Variants in ATF2 observed in about 807,000 individuals in gnomAD.
The protein encoded by ATF2 is activating transcription factor 2, also known as cyclic AMP-dependent transcription factor ATF-2.
Under a neutral mutation model 60.6 loss-of-function variants are expected in ATF2, and 24 were observed. The observed-to-expected ratio is 0.40, with a 90% CI of 0.29 to 0.56. The LOEUF is 0.56. ATF2 is among the 20% of genes least tolerant of loss of function. The pLI is 0.54. For synonymous variants in ATF2, 206 were observed against 215.4 expected (o/e 0.96, Z 0.38); for missense variants, 433 against 607.7 (o/e 0.71, Z 3.02).
chr2:175,100,843 A>G (rs1449720302), intron 10 of ATF2, among the ~76,000 whole-genome samples: 3 of 152,178 alleles, frequency 2.0e-5, no homozygotes, highest in Non-Finnish European at 2.9e-5. Flanking sequence ...CATTCCAGCC[A>G]ATGGAAACTG....
At chr2:175,099,327 C>T (rs944728791) in intron 10 of ATF2, among the ~76,000 whole-genome samples, 1 of 152,068 alleles carries the variant, frequency 6.6e-6, no homozygotes, top group Non-Finnish European at 1.5e-5. Context: ...TGGTCTTGAA[C>T]TCCTGACCTC....
Position 175,074,486 on chromosome 2 carries a change from A to T in ATF2, c.*123T>A. ...CTACACCAACTTTAGAGCCAAATTTAATTTCAAGTAAAAAAAAAAAATTTA... is the reference window on the plus strand; with the variant it reads ...CTACACCAACTTTAGAGCCAAATTTTATTTCAAGTAAAAAAAAAAAATTTA... On this transcript the variant is annotated 3_prime_UTR_variant, in exon 14 of 14. Coordinates refer to ENST00000264110, the MANE Select transcript of ATF2 (RefSeq NM_001880.4). The T allele has an allele frequency of 1.6e-6, 2 of 1,254,258 alleles. No homozygotes were observed. The highest frequency in any genetic ancestry group is 1.5e-5 in the African/African-American group (1 of 65,686). 77.7% of individuals were successfully genotyped at this position (1,254,258 alleles called of 1,614,324 possible). A position where few individuals can be genotyped will look rare whatever the true frequency, so the allele number is the denominator to read the frequency against.
chr2:175,165,135 T>C (rs1700268941), intron 1 of ATF2, among the ~76,000 whole-genome samples: 1 of 151,690 alleles, frequency 6.6e-6, no homozygotes, highest in Non-Finnish European at 1.5e-5. Flanking sequence ...GGTGGGATTT[T>C]TTTTAGGGTA....
intron 10 of ATF2, among the ~76,000 whole-genome samples, chr2:175,101,677 G>T (rs1176218095): frequency 6.6e-6 from 1 of 152,074 alleles, no homozygotes; most frequent in Non-Finnish European, 1.5e-5. Context: ...CTTTAGTAGG[G>T]CAAGTTACTA....
intron 12 of ATF2, among the ~76,000 whole-genome samples, chr2:175,083,133 T>G (rs1012800745): frequency 6.6e-6 from 1 of 151,616 alleles, no homozygotes; most frequent in East Asian, 1.9e-4. Context: ...CTTCACAGAA[T>G]TGGAAAAAAC....
chr2:175,141,815 G>A (rs1698564922), intron 2 of ATF2, among the ~76,000 whole-genome samples: 1 of 152,056 alleles, frequency 6.6e-6, no homozygotes, highest in Non-Finnish European at 1.5e-5. Flanking sequence ...TTTTTCAAAT[G>A]TGAATCTACA....
chr2:175,116,266 C>A (rs1153676), intron 7 of ATF2, among the ~76,000 whole-genome samples: 32,521 of 151,914 alleles, frequency 0.21, 4,291 homozygotes, highest in African/African-American at 0.38. Flanking sequence ...TTTGGGCTTA[C>A]GTGGTGTCAC....
At chr2:175,125,356 T>C (rs776114447) in intron 4 of ATF2, among the ~76,000 whole-genome samples, 1 of 152,098 alleles carries the variant, frequency 6.6e-6, no homozygotes, top group Non-Finnish European at 1.5e-5. Flanking sequence ...AGCCAGGTTA[T>C]ATTTTGATCA....
intron 10 of ATF2, among the ~76,000 whole-genome samples, chr2:175,100,022 T>C (rs919234889): frequency 1.3e-5 from 2 of 152,244 alleles, no homozygotes; most frequent in Non-Finnish European, 2.9e-5. Context: ...AGACTACTTC[T>C]TTATGAATTA....
Position 175,091,719 on chromosome 2 carries a change from C to T in ATF2, c.1185+1342G>A, listed in dbSNP as rs544350403. ...CTCTACTAAAAATACAAAAATTAGC[C>T]GGGTGTGGTGGTGCACACCTGTAAT... On this transcript the variant is annotated intron_variant, in intron 12 of 13. Coordinates refer to ENST00000264110, the MANE Select transcript of ATF2 (RefSeq NM_001880.4). Among the ~76,000 whole-genome samples, 30 of 152,062 alleles carry T rather than the reference C, an allele frequency of 2.0e-4. No homozygotes were observed. The East Asian group carries it at 5.4e-3, about 27-fold the overall frequency.
intron 11 of ATF2, among the ~76,000 whole-genome samples, chr2:175,094,267 G>A (rs1385729810): frequency 6.6e-6 from 1 of 151,796 alleles, no homozygotes; most frequent in Non-Finnish European, 1.5e-5. Context: ...GGTGGTGCAT[G>A]CCTATAATCC....
At chr2:175,112,074 T>C (rs1696235238) in intron 9 of ATF2, among the ~76,000 whole-genome samples, 1 of 152,246 alleles carries the variant, frequency 6.6e-6, no homozygotes, top group Admixed American at 6.5e-5. Flanking sequence ...AATTTTCTTA[T>C]ACATACCACA....
intron 4 of ATF2, chr2:175,126,673 G>A (rs2105735376): frequency 6.6e-6 from 1 of 152,286 alleles, no homozygotes; most frequent in South Asian, 2.1e-4. Context: ...AAAATGGCAT[G>A]TGTATTAGTA....
At chr2:175,130,644 A>G (rs1454366318) in intron 3 of ATF2, among the ~76,000 whole-genome samples, 1 of 152,180 alleles carries the variant, frequency 6.6e-6, no homozygotes, top group Non-Finnish European at 1.5e-5. Context: ...TTCTACCTAA[A>G]TATGCTACCA....
At position 175,153,222 on chromosome 2, in the gene ATF2, T is replaced by C. The variant is rs760021459; in HGVS notation, c.-142-2064A>G. 4.6e-5 allele frequency among the ~76,000 whole-genome samples: 7 copies of C among 152,326 alleles called. No individual in the cohort carries two copies. The East Asian group carries it at 9.6e-4, about 21-fold the overall frequency. ...CATTAAAAATAACATCCTTTTTTTGTAACTTGAAAGGCACAGATGTAAGGA... is the reference window on the plus strand; with the variant it reads ...CATTAAAAATAACATCCTTTTTTTGCAACTTGAAAGGCACAGATGTAAGGA... On this transcript the variant is annotated intron_variant, in intron 1 of 13. Coordinates refer to ENST00000264110, the MANE Select transcript of ATF2 (RefSeq NM_001880.4).
intron 7 of ATF2, 149 bp from the exon 8 acceptor site, chr2:175,115,017 T>C: frequency 3.0e-6 from 2 of 658,382 alleles, no homozygotes; most frequent in Non-Finnish European, 2.3e-6. Context: ...AAGAACATTT[T>C]AGAAGAGCTG....
At chr2:175,085,549 AACATACACAC>A (rs755981015) in intron 12 of ATF2, among the ~76,000 whole-genome samples, 9 of 74,784 alleles carry the variant, frequency 1.2e-4, no homozygotes, top group Non-Finnish European at 1.8e-4. Flanking sequence ...ATAAATACAT[AACATACACAC>A]ACACACACAC....
intron 7 of ATF2, 132 bp downstream of exon 7, chr2:175,117,858 C>A: frequency 1.0e-6 from 1 of 987,804 alleles, no homozygotes; most frequent in East Asian, 2.9e-5. Context: ...TGAGTATTGA[C>A]AGGCTTTCAC....
intron 5 of ATF2, among the ~76,000 whole-genome samples, chr2:175,119,455 T>G (rs1421393372): frequency 6.6e-6 from 1 of 151,532 alleles, no homozygotes; most frequent in Non-Finnish European, 1.5e-5. Context: ...TACTTCCTAT[T>G]TTACCTTTGC....
Sources: allele counts gnomAD v4.1 joint callset (sites outside exome capture counted in the v4.1 genomes callset), GRCh38; gene constraint gnomAD v4.1.1; transcripts MANE v1.5; gene names NCBI Gene and HGNC (gene_info 2026-07-23, HGNC 2026-07-21).